The following UNC13B variants were observed in gnomAD, a reference collection of about 807,000 sequenced individuals.
UNC13B encodes the protein unc-13 homolog B, also known as protein unc-13 homolog B.
UNC13B carries 144 observed loss-of-function variants against 211.0 expected under a neutral mutation model. The ratio of observed to expected loss-of-function variants is 0.68; its 90% CI spans 0.60 to 0.78. UNC13B has a LOEUF of 0.78. UNC13B is among the 30% of genes least tolerant of loss of function. UNC13B has a pLI of 0.00. For missense variants in UNC13B, 1,777 were observed against 2,002.0 expected (o/e 0.89, Z 2.14); for synonymous variants, 709 against 725.8 (o/e 0.98, Z 0.37).
At chr9:35,350,230 G>C (rs1280886946) in intron 11 of UNC13B, among the ~76,000 whole-genome samples, 20 of 152,200 alleles carry the variant, frequency 1.3e-4, no homozygotes, top group South Asian at 2.1e-4. Flanking sequence ...CTCTGCCTCT[G>C]TAATGCAGTC....
At chr9:35,297,770 C>T (rs561834843) in intron 8 of UNC13B, among the ~76,000 whole-genome samples, 1 of 151,722 alleles carries the variant, frequency 6.6e-6, no homozygotes, top group East Asian at 2.0e-4. Context: ...AGGATGGTCT[C>T]GATCTCCTGA....
intron 21 of UNC13B, 41 bp downstream of exon 21, chr9:35,382,548 A>G (rs374629052): frequency 1.8e-4 from 277 of 1,562,360 alleles, no homozygotes; most frequent in Non-Finnish European, 2.1e-4. Context: ...TTTGTTACCA[A>G]TTAATAAAGT....
At chr9:35,402,886 A>G (rs1047450516) in intron 37 of UNC13B, among the ~76,000 whole-genome samples, 3 of 152,158 alleles carry the variant, frequency 2.0e-5, no homozygotes, top group African/African-American at 7.2e-5. Flanking sequence ...TTTCAGTTAA[A>G]AGTCCTTCAG....
chr9:35,296,278 G>A (rs1829356342), intron 8 of UNC13B, among the ~76,000 whole-genome samples: 1 of 152,210 alleles, frequency 6.6e-6, no homozygotes, highest in Non-Finnish European at 1.5e-5. Context: ...AAAAATCACA[G>A]ATTGGATAGT....
At position 35,273,047 on chromosome 9, in the gene UNC13B, G is replaced by A. The variant is rs548723602; in HGVS notation, c.526+13997G>A. Among the ~76,000 whole-genome samples the A allele has an allele frequency of 5.3e-4, 80 of 152,272 alleles. 1 individual carries two copies. Among genetic ancestry groups the A allele is most frequent in the Non-Finnish European group, 1.9e-4 (13 of 68,020 alleles). On this transcript the variant is annotated intron_variant, in intron 7 of 39. Transcript: ENST00000635942. ...TCTTACAGTATTGCCTATAATTAGTGATCTATACAAATCATAAACCAAAAT... is the reference window on the plus strand; with the variant it reads ...TCTTACAGTATTGCCTATAATTAGTAATCTATACAAATCATAAACCAAAAT...
chr9:35,167,227 C>G (rs1821083841), intron 1 of UNC13B, among the ~76,000 whole-genome samples: 1 of 152,040 alleles, frequency 6.6e-6, no homozygotes, highest in Admixed American at 6.5e-5. Flanking sequence ...GCGCCCATCA[C>G]CACGCCTGGC....
chr9:35,382,525 A>G lies in UNC13B; in HGVS notation c.10806+18A>G. 1 of 1,589,958 alleles carries G rather than the reference A, an allele frequency of 6.3e-7. No individual in the cohort carries two copies. The highest frequency in any genetic ancestry group is 8.5e-7 in the Non-Finnish European group (1 of 1,172,968). ...ACTTTGGGGTAAGTATCATGTAAAC[A>G]CATATGTCTGCATTTGTTACCAATT... On this transcript the variant is annotated intron_variant, in intron 21 of 39. Coordinates refer to ENST00000635942, the MANE Select transcript of UNC13B (RefSeq NM_001371189.2).
At chr9:35,297,561 T>TTTTTTTTTTTG in intron 8 of UNC13B, among the ~76,000 whole-genome samples, 5 of 128,162 alleles carry the variant, frequency 3.9e-5, no homozygotes, top group African/African-American at 1.5e-4. Flanking sequence ...TTTTTTTTTT[T>TTTTTTTTTTTG]TTTTTTGAGA....
chr9:35,236,116 A>C (rs1825493479), intron 3 of UNC13B, among the ~76,000 whole-genome samples: 1 of 152,086 alleles, frequency 6.6e-6, no homozygotes. Context: ...ATCACCTCTA[A>C]AAGTTTACTT....
chr9:35,169,604 G>C (rs572222228), intron 1 of UNC13B, among the ~76,000 whole-genome samples: 1 of 152,192 alleles, frequency 6.6e-6, no homozygotes, highest in South Asian at 2.1e-4. Flanking sequence ...GGCTTCCATC[G>C]ATCGTGGTTC....
chr9:35,331,958 T>C (rs1277495449), intron 11 of UNC13B, among the ~76,000 whole-genome samples: 1 of 152,080 alleles, frequency 6.6e-6, no homozygotes, highest in African/African-American at 2.4e-5. Context: ...TCCTACCTAC[T>C]GTGATAGGTA....
intron 6 of UNC13B, among the ~76,000 whole-genome samples, chr9:35,247,927 T>G (rs1057405544): frequency 2.0e-5 from 3 of 152,174 alleles, no homozygotes; most frequent in African/African-American, 7.2e-5. Flanking sequence ...TCAGAAGGAA[T>G]GGTACCAGCT....
intron 7 of UNC13B, among the ~76,000 whole-genome samples, chr9:35,269,152 C>T (rs1490471865): frequency 2.0e-5 from 3 of 152,150 alleles, no homozygotes; most frequent in African/African-American, 7.2e-5. Context: ...AATCATAAAT[C>T]CCAGGTTACT....
chr9:35,352,827 C>G, intron 11 of UNC13B: 5 of 1,232,142 alleles, frequency 4.1e-6, no homozygotes, highest in Non-Finnish European at 5.1e-6. Context: ...GTATTAATCT[C>G]AAAAGAGGAG....
intron 11 of UNC13B, among the ~76,000 whole-genome samples, chr9:35,334,510 T>A (rs1483164724): frequency 6.6e-6 from 1 of 152,262 alleles, no homozygotes; most frequent in African/African-American, 2.4e-5. Context: ...GTATCTTCTC[T>A]GCCTAATATC....
chr9:35,390,361 G>A (rs1835455595), intron 25 of UNC13B, among the ~76,000 whole-genome samples: 3 of 152,216 alleles, frequency 2.0e-5, no homozygotes, highest in Admixed American at 2.0e-4. Flanking sequence ...GCCTCTGCCT[G>A]GAGAGTCTCT....
Position 35,384,317 on chromosome 9 carries a change from G to T in UNC13B, c.10875+3G>T. On this transcript the variant is annotated splice_donor_region_variant and intron_variant, in intron 22 of 39. Coordinates refer to ENST00000635942, the MANE Select transcript of UNC13B (RefSeq NM_001371189.2). ...GGATCGACCTCTCTACATACAGGGT[G>T]AGTGAAGACACGGCTGTGGGCAGGA... 6.2e-7 allele frequency: 1 copy of T among 1,613,586 alleles called. No homozygotes were observed. Among genetic ancestry groups the T allele is most frequent in the South Asian group, 1.1e-5 (1 of 91,016 alleles).
intron 7 of UNC13B, among the ~76,000 whole-genome samples, chr9:35,295,450 A>AGCTC (rs1174839696): frequency 6.6e-6 from 1 of 152,142 alleles, no homozygotes; most frequent in Non-Finnish European, 1.5e-5. Context: ...TGCAACCTAG[A>AGCTC]GCTCCTCTAA....
intron 11 of UNC13B, among the ~76,000 whole-genome samples, chr9:35,330,206 A>T (rs1055126140): frequency 3.9e-5 from 6 of 152,214 alleles, no homozygotes; most frequent in African/African-American, 1.4e-4. Context: ...TGCATTTTTG[A>T]GTACAAAGCT....
Sources: gnomAD v4.1 joint callset for allele counts (sites outside exome capture counted in the v4.1 genomes callset) on GRCh38, gnomAD v4.1.1 for gene constraint, MANE v1.5 for transcripts, NCBI Gene and HGNC (gene_info 2026-07-23, HGNC 2026-07-21) for gene names.